GOLGA3: variants seen among roughly 807,000 people sequenced by gnomAD.
GOLGA3 encodes golgin subfamily A member 3.
GOLGA3 carries 75 observed loss-of-function variants against 169.4 expected under a neutral mutation model. The ratio of observed to expected loss-of-function variants is 0.44; its 90% CI spans 0.37 to 0.54. The LOEUF (loss-of-function observed/expected upper bound fraction) is 0.54, where lower values mean the gene tolerates loss of function less well. GOLGA3 is among the 20% of genes least tolerant of loss of function. The pLI, the probability that GOLGA3 is intolerant of heterozygous loss-of-function variation, is 0.00. For synonymous variants in GOLGA3, 824 were observed against 822.4 expected, an observed-to-expected ratio of 1.00 and a Z score of -0.03; for missense variants, 1,899 against 1,930.0, an observed-to-expected ratio of 0.98 and a Z score of 0.30.
intron 2 of GOLGA3, among the ~76,000 whole-genome samples, chr12:132,820,952 T>C (rs568635627): frequency 1.3e-5 from 2 of 151,392 alleles, no homozygotes; most frequent in African/African-American, 4.9e-5. Flanking sequence ...ATACAAAAAA[T>C]AGCTGGGTGT....
At chr12:132,818,015 T>A (rs868402408) in intron 2 of GOLGA3, among the ~76,000 whole-genome samples, 106 of 49,014 alleles carry the variant, frequency 2.2e-3, no homozygotes, top group Admixed American at 4.3e-3. Flanking sequence ...CACCCTCCAC[T>A]CCTCCACGCT....
Position 132,775,234 on chromosome 12 carries a change from C to A in GOLGA3, c.4050G>T (p.Gln1350His), listed in dbSNP as rs1328306809. ...TGTTCTTCAGCTCCGACACTTTTGCCTGGAGCATAAATTTATCCTTCTGGG... is the reference window on the plus strand; with the variant it reads ...TGTTCTTCAGCTCCGACACTTTTGCATGGAGCATAAATTTATCCTTCTGGG... ...SMTQKDKFMLQAKVSELKNNM... is the reference protein window; with the variant it reads ...SMTQKDKFMLHAKVSELKNNM... The change falls in exon 22 of 24, where the codon CAG (glutamine) becomes CAT (histidine). Residue 1350 changes from glutamine to histidine, a missense_variant. Physicochemically the swap from Gln to His is conservative, Grantham distance 24. Transcript: ENST00000450791. 1 of 1,613,886 alleles carries A rather than the reference C, an allele frequency of 6.2e-7. No homozygotes were observed. The highest frequency in any genetic ancestry group is 1.7e-5 in the Admixed American group (1 of 60,028).
Position 132,776,990 on chromosome 12 carries a change from G to A in GOLGA3, c.3823C>T (p.Gln1275Ter). Reference sequence around the variant, plus strand: ...TTTCCCACGGGCTGTTTGCTGAGCTGCTCGTCCAGCTGCTTCTGCAGGAGC... The same window carrying A: ...TTTCCCACGGGCTGTTTGCTGAGCTACTCGTCCAGCTGCTTCTGCAGGAGC... Reference protein sequence around the residue: ...LQLLQKQLDEQLSKQPVGNQE... With the variant: ...LQLLQKQLDE The change falls in exon 20 of 24, where the codon CAG becomes TAG. Residue 1275 changes from glutamine to a stop codon, truncating the protein, a stop_gained. Transcript: ENST00000450791. LOFTEE classifies it high-confidence loss of function. The A allele has an allele frequency of 6.2e-7, 1 of 1,608,180 alleles. No individual in the cohort carries two copies. The highest frequency in any genetic ancestry group is 8.5e-7 in the Non-Finnish European group (1 of 1,177,282).
intron 2 of GOLGA3, among the ~76,000 whole-genome samples, chr12:132,820,176 C>CAAA (rs35718567): frequency 2.1e-4 from 29 of 140,598 alleles, no homozygotes; most frequent in African/African-American, 6.5e-4. Flanking sequence ...AACTCCGTCT[C>CAAA]AAAAAAAAAA....
chr12:132,829,011 G>C (rs1277227281), upstream of GOLGA3, among the ~76,000 whole-genome samples: 1 of 152,244 alleles, frequency 6.6e-6, no homozygotes, highest in Non-Finnish European at 1.5e-5. Context: ...GGTCCGGATC[G>C]AGCTCACCTC....
At chr12:132,829,060 A>C (rs797002319), upstream of GOLGA3, among the ~76,000 whole-genome samples, 1 of 152,210 alleles carries the variant, frequency 6.6e-6, no homozygotes, top group Non-Finnish European at 1.5e-5. Flanking sequence ...TGACCTTAAG[A>C]GTTTGCGGAC....
chr12:132,828,455 G>A (rs1181014209), intron 1 of GOLGA3: 1 of 152,310 alleles, frequency 6.6e-6, no homozygotes, highest in Non-Finnish European at 1.5e-5. Context: ...CCGACACCAT[G>A]TCACGCCTTT....
chr12:132,808,014 G>A lies in GOLGA3; in HGVS notation c.1055C>T (p.Ala352Val), dbSNP rs758032104. The change falls in exon 5 of 24, where the codon GCG becomes GTG. Residue 352 changes from alanine to valine, a missense_variant. By Grantham distance (64) the Ala-to-Val change is moderately conservative (BLOSUM62 0). Transcript: ENST00000450791. ...PYMVNGQEIP[A>V]DTLGQFPSIK... is the part of the protein sequence containing the mutation. ...GGAGGGGAACTGGCCCAGGGTATCC[G>A]CAGGAATCTCCTGGCCGTTGACCAT... 3.7e-6 allele frequency: 6 copies of A among 1,610,804 alleles called. No individual in the cohort carries two copies. Among genetic ancestry groups the A allele is most frequent in the African/African-American group, 2.7e-5 (2 of 74,756 alleles).
At chr12:132,785,960 T>C (rs2045875652) in intron 15 of GOLGA3, among the ~76,000 whole-genome samples, 1 of 152,194 alleles carries the variant, frequency 6.6e-6, no homozygotes, top group African/African-American at 2.4e-5. Context: ...TCACTCCTGC[T>C]TCTCAGTGAG....
At chr12:132,783,407 G>A (rs1459878636) in intron 16 of GOLGA3, among the ~76,000 whole-genome samples, 3 of 110,186 alleles carry the variant, frequency 2.7e-5, no homozygotes, top group African/African-American at 6.3e-5. Context: ...AGGCCACTCA[G>A]CAGGGTGGGC....
intron 11 of GOLGA3, among the ~76,000 whole-genome samples, chr12:132,795,213 CGGGCGCGG>C (rs903952342): frequency 1.1e-4 from 16 of 151,140 alleles, no homozygotes; most frequent in Non-Finnish European, 1.9e-4. Context: ...AAAAAGGGGT[CGGGCGCGG>C]TGGCTCACGC....
At chr12:132,800,489 A>G (rs1399092998) in intron 8 of GOLGA3, among the ~76,000 whole-genome samples, 1 of 152,142 alleles carries the variant, frequency 6.6e-6, no homozygotes, top group East Asian at 1.9e-4. Flanking sequence ...GCAAGACTCC[A>G]TCTCAAAACA....
At chr12:132,779,079 C>G (rs2045406017) in intron 18 of GOLGA3, among the ~76,000 whole-genome samples, 1 of 152,114 alleles carries the variant, frequency 6.6e-6, no homozygotes. Flanking sequence ...TTAAAATATT[C>G]CAGCCACATT....
chr12:132,788,944 G>GCCCCAGACACAGGCCCCC, intron 13 of GOLGA3, 83 bp downstream of exon 13: 135 of 186,732 alleles, frequency 7.2e-4, no homozygotes, highest in Non-Finnish European at 9.8e-4. Flanking sequence ...CACAGGCCCC[G>GCCCCAGACACAGGCCCCC]CCCCAGACAC....
At chr12:132,795,532 G>A (rs1305984938) in intron 11 of GOLGA3, among the ~76,000 whole-genome samples, 46 of 151,478 alleles carry the variant, frequency 3.0e-4, no homozygotes, top group Admixed American at 1.9e-3. Context: ...AGACCGAGGC[G>A]GGTGGATCAC....
At position 132,791,202 on chromosome 12, in the gene GOLGA3, C is replaced by A; in HGVS notation, c.2547+14G>T. 6.6e-7 allele frequency: 1 copy of A among 1,504,626 alleles called. No homozygotes were observed. 93.2% of individuals were successfully genotyped at this position (1,504,626 alleles called of 1,614,324 possible). On this transcript the variant is annotated intron_variant, in intron 12 of 23. Transcript: ENST00000450791. The stretch of plus-strand genomic sequence containing the variant: ...TGCTTGTTTCAAGTGAAGAAATCAA[C>A]AACAGATTTTTACCTTTTGTTGGAG...
Position 132,815,135 on chromosome 12 carries a change from T to C in GOLGA3, c.406+1405A>G, listed in dbSNP as rs1486321653. Among the ~76,000 whole-genome samples the C allele has an allele frequency of 3.3e-5, 5 of 152,374 alleles. 1 individual carries two copies. The South Asian group carries it at 8.3e-4, about 25-fold the overall frequency. On this transcript the variant is annotated intron_variant, in intron 3 of 23. Transcript: ENST00000450791. The stretch of plus-strand genomic sequence containing the variant: ...CTGTAAATGTACCATTATTAGTTTA[T>C]ACATTTTATCACTGAAAAGATCTCT...
Position 132,791,268 on chromosome 12 carries a change from G to A in GOLGA3, c.2495C>T (p.Ala832Val), listed in dbSNP as rs2046216926. 1.2e-6 allele frequency: 2 copies of A among 1,605,706 alleles called. No homozygotes were observed. The highest frequency in any genetic ancestry group is 1.3e-5 in the African/African-American group (1 of 74,774). ...TTTTTGCATTTGCTTTTTCAGAGCA[G>A]CAGTCTCCTGCTGCAGGTGTTCCAC... ...GQVEHLQQETAALKKQMQKIK... is the reference protein window; with the variant it reads ...GQVEHLQQETVALKKQMQKIK... Residue 832 changes from alanine (A) to valine (V), a missense_variant, in exon 12 of 24, where the codon GCT (alanine) becomes GTT (valine). Coordinates refer to ENST00000450791, the MANE Select transcript of GOLGA3 (RefSeq NM_001389683.1).
At chr12:132,783,054 G>C (rs1299409854) in intron 16 of GOLGA3, among the ~76,000 whole-genome samples, 1 of 152,072 alleles carries the variant, frequency 6.6e-6, no homozygotes, top group Non-Finnish European at 1.5e-5. Context: ...AAATTATCCA[G>C]GTGTGGTGGC....
Sources: allele counts gnomAD v4.1 joint callset (sites outside exome capture counted in the v4.1 genomes callset), GRCh38; gene constraint gnomAD v4.1.1; transcripts MANE v1.5; gene names NCBI Gene and HGNC (gene_info 2026-07-23, HGNC 2026-07-21).